Variants in GPD2 observed in about 807,000 individuals in gnomAD.
The protein encoded by GPD2 is glycerol-3-phosphate dehydrogenase 2, also known as glycerol-3-phosphate dehydrogenase, mitochondrial.
A neutral mutation model predicts 82.4 loss-of-function variants in GPD2; 54 were observed. The observed-to-expected ratio is 0.66, with a 90% CI of 0.53 to 0.82. The LOEUF (loss-of-function observed/expected upper bound fraction) is 0.82. GPD2 is among the 40% of genes least tolerant of loss of function. The pLI is 0.00. For synonymous variants in GPD2, 288 were observed against 306.1 expected (o/e 0.94, Z 0.62); for missense variants, 748 against 896.2 (o/e 0.83, Z 2.11).
At chr2:156,512,122 G>T in intron 4 of GPD2, 98 bp from the exon 5 acceptor site, 1 of 757,052 alleles carries the variant, frequency 1.3e-6, no homozygotes, top group Non-Finnish European at 2.5e-6. Flanking sequence ...GAGATAGAAG[G>T]TTTCTGTGTA....
chr2:156,403,007 TC>T, the GPD2 span, among the ~76,000 whole-genome samples: 1 of 149,550 alleles, frequency 6.7e-6, no homozygotes, highest in African/African-American at 2.5e-5. Flanking sequence ...AAATGAGGCC[TC>T]ACCAGCCAAT....
intron 6 of GPD2, among the ~76,000 whole-genome samples, chr2:156,519,534 T>C (rs935542359): frequency 1.3e-5 from 2 of 152,270 alleles, no homozygotes; most frequent in African/African-American, 4.8e-5. Context: ...CCAGGGCTCC[T>C]ACCCTTTTTG....
At chr2:156,560,403 G>A (rs1260618290) in intron 9 of GPD2, among the ~76,000 whole-genome samples, 2 of 152,190 alleles carry the variant, frequency 1.3e-5, no homozygotes, top group East Asian at 1.9e-4. Context: ...TGATAAGAGT[G>A]TTTGAAATTA....
intron 3 of GPD2, among the ~76,000 whole-genome samples, chr2:156,500,865 A>G (rs532962616): frequency 5.9e-5 from 9 of 152,342 alleles, no homozygotes; most frequent in African/African-American, 1.9e-4. Context: ...CACAATATGC[A>G]GACTTCTCCT....
upstream of GPD2, among the ~76,000 whole-genome samples, chr2:156,430,608 G>A (rs1688306134): frequency 1.2e-4 from 19 of 152,218 alleles, no homozygotes; most frequent in Admixed American, 1.2e-3. Context: ...TTTAGCTAAT[G>A]TTGTAATACT....
the GPD2 span, among the ~76,000 whole-genome samples, chr2:156,408,711 TAAA>T: frequency 6.1e-5 from 5 of 82,042 alleles, no homozygotes; most frequent in Non-Finnish European, 2.5e-5. Flanking sequence ...CTGCACCTGG[TAAA>T]AAAAAAAAAA....
intron 9 of GPD2, among the ~76,000 whole-genome samples, chr2:156,564,022 C>G (rs1361505441): frequency 6.6e-6 from 1 of 152,094 alleles, no homozygotes; most frequent in Non-Finnish European, 1.5e-5. Flanking sequence ...GTCCATGGGA[C>G]AGTGCTGATC....
chr2:156,577,080 T>C (rs1256122733), intron 13 of GPD2, among the ~76,000 whole-genome samples: 6 of 152,182 alleles, frequency 3.9e-5, no homozygotes, highest in African/African-American at 1.4e-4. Context: ...GCTCAAAGAA[T>C]TATTCACGTT....
At chr2:156,515,447 A>G (rs1427076140) in intron 6 of GPD2, among the ~76,000 whole-genome samples, 1 of 152,030 alleles carries the variant, frequency 6.6e-6, no homozygotes, top group Non-Finnish European at 1.5e-5. Flanking sequence ...CCTGTTTTAC[A>G]TTGGTTTGGT....
chr2:156,455,442 A>G (rs570912889), intron 1 of GPD2, among the ~76,000 whole-genome samples: 34 of 152,224 alleles, frequency 2.2e-4, no homozygotes, highest in Non-Finnish European at 3.8e-4. Context: ...GTCTAATGAC[A>G]AAGTCCAAAT....
rs753110967 is a variant in GPD2, at chr2:156,578,986, C to T, written c.1865C>T (p.Pro622Leu). 2 of 1,599,488 alleles carry T rather than the reference C, an allele frequency of 1.3e-6. No individual in the cohort carries two copies. Among genetic ancestry groups the T allele is most frequent in the South Asian group, 2.2e-5 (2 of 90,780 alleles). The stretch of plus-strand genomic sequence containing the variant: ...GATCGCTCTGAAATTAGCCTACTGC[C>T]TTCAGACATTGACAGGTACTTATAA... Reference protein sequence around the residue: ...LTDRSEISLLPSDIDRYKKRF... With the variant: ...LTDRSEISLLLSDIDRYKKRF... Residue 622 changes from proline (P) to leucine (L), a missense_variant, in exon 14 of 17, where the codon CCT becomes CTT. Coordinates refer to ENST00000438166, the MANE Select transcript of GPD2 (RefSeq NM_000408.5).
the GPD2 span, among the ~76,000 whole-genome samples, chr2:156,419,405 A>G: frequency 2.0e-5 from 3 of 152,214 alleles, no homozygotes; most frequent in African/African-American, 7.2e-5. Flanking sequence ...TATGATCACT[A>G]ATAATGAAGC....
the GPD2 span, among the ~76,000 whole-genome samples, chr2:156,424,896 TAGAA>T: frequency 3.9e-5 from 6 of 152,170 alleles, no homozygotes; most frequent in Non-Finnish European, 7.3e-5. Flanking sequence ...TATTGTAAAT[TAGAA>T]AGAAAAATAT....
chr2:156,564,407 A>G (rs2105356036), intron 9 of GPD2, among the ~76,000 whole-genome samples: 1 of 152,300 alleles, frequency 6.6e-6, no homozygotes, highest in East Asian at 1.9e-4. Context: ...TTAACAATGT[A>G]CAAAATTTCC....
At chr2:156,453,660 T>G (rs1682692620) in intron 1 of GPD2, among the ~76,000 whole-genome samples, 1 of 152,128 alleles carries the variant, frequency 6.6e-6, no homozygotes, top group Non-Finnish European at 1.5e-5. Flanking sequence ...GTGGATCACC[T>G]GAGGTCAGGA....
At position 156,568,869 on chromosome 2, in the gene GPD2, C is replaced by G; in HGVS notation, c.1210C>G (p.Leu404Val). ...VLAAWSGIRPLVTDPKSADTQ... is the reference protein window; with the variant it reads ...VLAAWSGIRPVVTDPKSADTQ... ...GGCAGCATGGAGTGGAATCCGTCCT[C>G]TTGTTACAGACCCCAAATCTGCAGA... The change falls in exon 10 of 17, where the codon CTT (leucine) becomes GTT (valine). Residue 404 changes from leucine to valine, a missense_variant. By Grantham distance (32) the Leu-to-Val change is conservative. Coordinates refer to ENST00000438166, the MANE Select transcript of GPD2 (RefSeq NM_000408.5). The G allele has an allele frequency of 6.2e-7, 1 of 1,612,662 alleles. No homozygotes were observed. The highest frequency in any genetic ancestry group is 8.5e-7 in the Non-Finnish European group (1 of 1,178,828).
chr2:156,479,682 G>C (rs1683650290), intron 2 of GPD2, among the ~76,000 whole-genome samples: 1 of 152,224 alleles, frequency 6.6e-6, no homozygotes, highest in East Asian at 1.9e-4. Context: ...ATGAAGGTTG[G>C]CTGACTTCTT....
At chr2:156,411,904 G>A in the GPD2 span, among the ~76,000 whole-genome samples, 1 of 151,548 alleles carries the variant, frequency 6.6e-6, no homozygotes, top group Non-Finnish European at 1.5e-5. Flanking sequence ...TCTTTCATGG[G>A]CTTTAGGAAT....
At chr2:156,522,471 C>T (rs936236910) in intron 6 of GPD2, among the ~76,000 whole-genome samples, 2 of 152,070 alleles carry the variant, frequency 1.3e-5, no homozygotes, top group Non-Finnish European at 2.9e-5. Context: ...TCAGTTGACC[C>T]ATTTAAAAAA....
Sources: gnomAD v4.1 joint callset for allele counts (sites outside exome capture counted in the v4.1 genomes callset) on GRCh38, gnomAD v4.1.1 for gene constraint, MANE v1.5 for transcripts, NCBI Gene and HGNC (gene_info 2026-07-23, HGNC 2026-07-21) for gene names.